The following POPDC1 variants were observed in gnomAD, a reference collection of about 807,000 sequenced individuals.
POPDC1 encodes the protein popeye domain-containing protein 1.
chr6:105,098,150 T>C, the POPDC1 span: 2 of 152,212 alleles, frequency 1.3e-5, no homozygotes, highest in African/African-American at 2.4e-5. Flanking sequence ...AAGCATCTTA[T>C]TGGGAACTTT....
the POPDC1 span, among the ~76,000 whole-genome samples, chr6:105,126,211 A>C: frequency 6.6e-6 from 1 of 151,742 alleles, no homozygotes; most frequent in African/African-American, 2.4e-5. Flanking sequence ...GGGCAACAAG[A>C]GCGAAACTCG....
At chr6:105,104,371 T>G in the POPDC1 span, among the ~76,000 whole-genome samples, 3 of 152,068 alleles carry the variant, frequency 2.0e-5, no homozygotes, top group Non-Finnish European at 4.4e-5. Context: ...GCATCTTGAG[T>G]GCTGTAACCA....
the POPDC1 span, among the ~76,000 whole-genome samples, chr6:105,105,718 C>T: frequency 1.5e-5 from 2 of 135,784 alleles, no homozygotes; most frequent in East Asian, 4.6e-4. Context: ...TAAATAACTT[C>T]TACAGGTTTG....
At chr6:105,102,305 T>C in the POPDC1 span, among the ~76,000 whole-genome samples, 1 of 152,154 alleles carries the variant, frequency 6.6e-6, no homozygotes, top group African/African-American at 2.4e-5. Flanking sequence ...CCACAGAAGT[T>C]TGTCAAGATC....
At chr6:105,101,927 A>C in the POPDC1 span, among the ~76,000 whole-genome samples, 5 of 152,224 alleles carry the variant, frequency 3.3e-5, no homozygotes, top group African/African-American at 1.2e-4. Flanking sequence ...CTACCATATA[A>C]TGGATACCAT....
At chr6:105,127,644 C>T in the POPDC1 span, among the ~76,000 whole-genome samples, 123 of 152,096 alleles carry the variant, frequency 8.1e-4, no homozygotes, top group African/African-American at 2.8e-3. Context: ...CTATGTTGCA[C>T]AGGCTGGTCT....
At chr6:105,101,214 C>T in the POPDC1 span, 3 of 1,607,218 alleles carry the variant, frequency 1.9e-6, no homozygotes, top group Non-Finnish European at 2.5e-6. Flanking sequence ...GATGACACAT[C>T]TGTGGAAAGA....
the POPDC1 span, chr6:105,124,503 T>C: frequency 1.5e-6 from 2 of 1,358,378 alleles, no homozygotes; most frequent in African/African-American, 1.4e-5. Flanking sequence ...CTGAATGAGA[T>C]GCAAACTAGT....
chr6:105,118,870 G>A, the POPDC1 span, among the ~76,000 whole-genome samples: 1 of 152,022 alleles, frequency 6.6e-6, no homozygotes, highest in Non-Finnish European at 1.5e-5. Context: ...ATTAATTAGT[G>A]GTAGAGTGGC....
At chr6:105,103,193 C>T in the POPDC1 span, among the ~76,000 whole-genome samples, 1 of 151,554 alleles carries the variant, frequency 6.6e-6, no homozygotes, top group Non-Finnish European at 1.5e-5. Flanking sequence ...ATAAGAACAG[C>T]ACCTATTTCA....
the POPDC1 span, chr6:105,100,509 CA>C: frequency 0.18 from 23,476 of 127,822 alleles, 2,002 homozygotes; most frequent in African/African-American, 0.23. Flanking sequence ...AACTCCATCT[CA>C]AAAAAAAAAA....
At chr6:105,115,118 G>A in the POPDC1 span, among the ~76,000 whole-genome samples, 3 of 152,192 alleles carry the variant, frequency 2.0e-5, no homozygotes, top group African/African-American at 2.4e-5. Flanking sequence ...ACGGAGTCTC[G>A]CTCTGTCGCC....
chr6:105,113,039 T>C, the POPDC1 span, among the ~76,000 whole-genome samples: 2 of 151,850 alleles, frequency 1.3e-5, no homozygotes, highest in Non-Finnish European at 2.9e-5. Context: ...CAAGCAATCC[T>C]CTCACCTCAG....
At chr6:105,128,268 A>G in the POPDC1 span, among the ~76,000 whole-genome samples, 1 of 152,322 alleles carries the variant, frequency 6.6e-6, no homozygotes, top group Admixed American at 6.5e-5. Context: ...GGGCCATGTC[A>G]CTTGTTTTTG....
the POPDC1 span, among the ~76,000 whole-genome samples, chr6:105,131,835 C>T: frequency 4.2e-4 from 15 of 36,040 alleles, no homozygotes; most frequent in Non-Finnish European, 9.1e-4. Context: ...TTATAGGGTA[C>T]GGTATTTTTT....
At chr6:105,130,271 T>C in the POPDC1 span, among the ~76,000 whole-genome samples, 104 of 152,296 alleles carry the variant, frequency 6.8e-4, no homozygotes, top group African/African-American at 2.5e-3. Context: ...TTTGCCAGCA[T>C]AGTTTTAAAA....
the POPDC1 span, among the ~76,000 whole-genome samples, chr6:105,107,916 T>C: frequency 6.6e-6 from 1 of 152,172 alleles, no homozygotes; most frequent in Non-Finnish European, 1.5e-5. Context: ...ACAATAATAC[T>C]AAAGAGTAGC....
the POPDC1 span, among the ~76,000 whole-genome samples, chr6:105,112,470 A>G: frequency 1.1e-5 from 1 of 87,358 alleles, no homozygotes; most frequent in Non-Finnish European, 2.6e-5. Context: ...ATGGAGTGAC[A>G]CTGCTTGTAA....
the POPDC1 span, chr6:105,129,349 A>C: frequency 0.9 from 1,386,947 of 1,545,138 alleles, 629,344 homozygotes; most frequent in Admixed American, 0.92. Context: ...CTTTAAAATC[A>C]CTTCCTTATT....
Sources: gnomAD v4.1 joint callset for allele counts (sites outside exome capture counted in the v4.1 genomes callset) on GRCh38, gnomAD v4.1.1 for gene constraint, MANE v1.5 for transcripts, NCBI Gene and HGNC (gene_info 2026-07-23, HGNC 2026-07-21) for gene names.